The following HM13 variants were observed in gnomAD, a reference collection of about 807,000 sequenced individuals.
HM13 encodes the protein histocompatibility minor 13.
A neutral mutation model predicts 50.0 loss-of-function variants in HM13; 18 were observed. The observed-to-expected ratio is 0.36, with a 90% CI of 0.25 to 0.53. The LOEUF (loss-of-function observed/expected upper bound fraction) is 0.53, where lower values mean the gene tolerates loss of function less well. HM13 is among the 20% of genes least tolerant of loss of function. The pLI is 0.90. For missense variants in HM13, 393 were observed against 552.4 expected, an observed-to-expected ratio of 0.71 and a Z score of 2.89; for synonymous variants, 197 against 232.6, an observed-to-expected ratio of 0.85 and a Z score of 1.39.
At chr20:31,516,312 A>C (rs1363460251) in intron 1 of HM13, among the ~76,000 whole-genome samples, 2 of 152,140 alleles carry the variant, frequency 1.3e-5, no homozygotes, top group Non-Finnish European at 1.5e-5. Flanking sequence ...ATGGATCACT[A>C]ATCTCTGCAG....
At chr20:31,550,748 C>T (rs967818177) in intron 7 of HM13, among the ~76,000 whole-genome samples, 4 of 152,108 alleles carry the variant, frequency 2.6e-5, no homozygotes, top group African/African-American at 4.8e-5. Context: ...GAGGCTGAGG[C>T]GGGAGGATCA....
intron 7 of HM13, chr20:31,554,489 T>C (rs1984198255): frequency 5.4e-6 from 2 of 368,486 alleles, no homozygotes; most frequent in South Asian, 2.7e-5. Context: ...AAGACCATCC[T>C]GGCTAACACG....
At chr20:31,557,369 C>T (rs751478500) in intron 8 of HM13, among the ~76,000 whole-genome samples, 2 of 152,222 alleles carry the variant, frequency 1.3e-5, no homozygotes, top group Non-Finnish European at 2.9e-5. Context: ...CAGGACATCT[C>T]GGCATATCTG....
At chr20:31,563,286 G>A (rs576898903) in intron 10 of HM13, 1 of 152,496 alleles carries the variant, frequency 6.6e-6, no homozygotes, top group South Asian at 2.1e-4. Flanking sequence ...CAGGACATGA[G>A]GGGACCCTGT....
chr20:31,522,101 C>T (rs1226758383), intron 1 of HM13, among the ~76,000 whole-genome samples: 1 of 152,040 alleles, frequency 6.6e-6, no homozygotes, highest in South Asian at 2.1e-4. Flanking sequence ...AAGATTAGGC[C>T]TCTTCCCACC....
At position 31,568,968 on chromosome 20, in the gene HM13, G is replaced by A. The variant is rs545706401; in HGVS notation, c.1182-152G>A. 5.8e-5 allele frequency: 32 copies of A among 550,822 alleles called. No individual in the cohort carries two copies. The Admixed American group carries it at 7.1e-4, about 12-fold the overall frequency. 34.1% of individuals were successfully genotyped at this position (550,822 alleles called of 1,614,324 possible). On this transcript the variant is annotated intron_variant, in intron 12 of 12. Coordinates refer to ENST00000398174, the MANE Select transcript of HM13 (RefSeq NM_178581.3). The stretch of plus-strand genomic sequence containing the variant: ...GCATGTGGTAGGGCTGGGGCCAGGC[G>A]CTGTTAGGTGCTGGGCAGTGGACAC...
At chr20:31,529,088 T>G in intron 2 of HM13, among the ~76,000 whole-genome samples, 1 of 152,194 alleles carries the variant, frequency 6.6e-6, no homozygotes, top group East Asian at 1.9e-4. Context: ...GCAACCTCAA[T>G]TCCTGGACTC....
At chr20:31,551,719 C>T (rs778533108) in intron 7 of HM13, among the ~76,000 whole-genome samples, 1 of 152,134 alleles carries the variant, frequency 6.6e-6, no homozygotes, top group Non-Finnish European at 1.5e-5. Context: ...TGGCTCGTGG[C>T]GACAGGCAGT....
intron 7 of HM13, among the ~76,000 whole-genome samples, chr20:31,553,713 C>A (rs997058203): frequency 6.6e-6 from 1 of 152,008 alleles, no homozygotes; most frequent in Non-Finnish European, 1.5e-5. Context: ...CAGAGGGAGG[C>A]GTTTCTCCCT....
intron 2 of HM13, among the ~76,000 whole-genome samples, chr20:31,529,877 G>A (rs1982709877): frequency 6.6e-6 from 1 of 152,118 alleles, no homozygotes; most frequent in Non-Finnish European, 1.5e-5. Context: ...TGAGGCAGGG[G>A]AATCGCTTGA....
At chr20:31,569,073 C>G in intron 12 of HM13, 47 bp from the exon 13 acceptor site, 5 of 1,356,132 alleles carry the variant, frequency 3.7e-6, no homozygotes, top group East Asian at 2.5e-5. Flanking sequence ...TCTGCTCACC[C>G]TCTCCTCTAA....
intron 2 of HM13, among the ~76,000 whole-genome samples, chr20:31,529,068 A>G (rs1018673398): frequency 3.9e-5 from 6 of 152,228 alleles, no homozygotes; most frequent in African/African-American, 1.4e-4. Context: ...TGGTGCAATC[A>G]TGGCTCACTG....
intron 2 of HM13, among the ~76,000 whole-genome samples, chr20:31,530,776 G>C (rs1349034104): frequency 6.6e-6 from 1 of 152,140 alleles, no homozygotes; most frequent in Non-Finnish European, 1.5e-5. Context: ...ATTTAGGTCT[G>C]TCCAGTGTTG....
intron 2 of HM13, among the ~76,000 whole-genome samples, chr20:31,532,019 C>A (rs1982847465): frequency 6.6e-6 from 1 of 152,108 alleles, no homozygotes; most frequent in Non-Finnish European, 1.5e-5. Flanking sequence ...GCATCCCCCT[C>A]ACTTTAAACA....
intron 1 of HM13, among the ~76,000 whole-genome samples, chr20:31,521,126 G>A (rs1472832158): frequency 6.6e-6 from 1 of 152,150 alleles, no homozygotes; most frequent in Non-Finnish European, 1.5e-5. Flanking sequence ...AATTGGATTG[G>A]TAAAGAATCC....
rs2122518601 is a variant in HM13, at chr20:31,514,612, A to G, written c.61A>G (p.Ser21Gly). 6.3e-7 allele frequency: 1 copy of G among 1,597,742 alleles called. No individual in the cohort carries two copies. Among genetic ancestry groups the G allele is most frequent in the East Asian group, 2.3e-5 (1 of 44,176 alleles). ...GSAEAGGPTNSTTRPPSTPEG... is the reference protein window; with the variant it reads ...GSAEAGGPTNGTTRPPSTPEG... The stretch of plus-strand genomic sequence containing the variant: ...TGCCGAGGCAGGCGGCCCCACCAAC[A>G]GCACTACGCGGCCGCCTTCCACGCC... The change falls in exon 1 of 13, where the codon AGC becomes GGC. Residue 21 changes from serine (S) to glycine (G), a missense_variant. Physicochemically the swap from Ser to Gly is moderately conservative, Grantham distance 56. Coordinates refer to ENST00000398174, the MANE Select transcript of HM13 (RefSeq NM_178581.3). The surrounding 1 kb of genome is among the most constrained non-coding windows in gnomAD (Gnocchi z 4.3).
At chr20:31,568,278 A>G in intron 12 of HM13, 54 bp downstream of exon 12, 3 of 1,591,334 alleles carry the variant, frequency 1.9e-6, no homozygotes, top group South Asian at 2.3e-5. Context: ...CCCGGGGCCC[A>G]AGGTAGGGCA....
intron 10 of HM13, among the ~76,000 whole-genome samples, chr20:31,562,167 T>G (rs911429489): frequency 2.0e-5 from 3 of 152,156 alleles, no homozygotes; most frequent in Non-Finnish European, 4.4e-5. Flanking sequence ...TCCCTCCCCC[T>G]ACTCCCTAGT....
At chr20:31,518,096 C>T (rs897808508) in intron 1 of HM13, among the ~76,000 whole-genome samples, 1 of 149,530 alleles carries the variant, frequency 6.7e-6, no homozygotes, top group African/African-American at 2.5e-5. Context: ...AGTGCAATGG[C>T]GTGATCTTGG....
Sources: gnomAD v4.1 joint callset for allele counts (sites outside exome capture counted in the v4.1 genomes callset) on GRCh38, gnomAD v4.1.1 for gene constraint, Gnocchi (gnomAD v3.1) non-coding constraint, MANE v1.5 for transcripts, NCBI Gene and HGNC (gene_info 2026-07-23, HGNC 2026-07-21) for gene names.